Variants in PDE4B observed in about 807,000 individuals in gnomAD.
PDE4B encodes the protein phosphodiesterase 4B, also known as 3',5'-cyclic-AMP phosphodiesterase 4B.
Under a neutral mutation model 82.2 loss-of-function variants are expected in PDE4B, and 20 were observed. That is an observed-to-expected ratio of 0.24 (90% CI 0.17 to 0.35). PDE4B has a LOEUF of 0.35. Ranked by LOEUF, PDE4B falls within the 10% of genes least tolerant of loss-of-function variation. The pLI is 1.00. For missense variants in PDE4B, 655 were observed against 907.2 expected, an observed-to-expected ratio of 0.72 and a Z score of 3.57; for synonymous variants, 320 against 318.9, an observed-to-expected ratio of 1.00 and a Z score of -0.04.
At chr1:66,143,790 C>A (rs1455185481) in intron 3 of PDE4B, among the ~76,000 whole-genome samples, 3 of 152,174 alleles carry the variant, frequency 2.0e-5, no homozygotes, top group African/African-American at 7.2e-5. Context: ...CTGACATCTG[C>A]CTTTTTCATG....
rs942164047 is a variant in PDE4B, at chr1:66,265,900, T to G, written c.585-138T>G. Reference sequence around the variant, plus strand: ...TCTACCCGGGTTACAGGAGCTTGCCTTCCGGAGATGGCATTATGTCACTAC... The same window carrying G: ...TCTACCCGGGTTACAGGAGCTTGCCGTCCGGAGATGGCATTATGTCACTAC... On this transcript the variant is annotated intron_variant, in intron 6 of 16. Coordinates refer to ENST00000341517, the MANE Select transcript of PDE4B (RefSeq NM_002600.4). The G allele has an allele frequency of 1.6e-4, 108 of 675,016 alleles. 2 individuals are homozygous for G. The East Asian group carries it at 2.9e-3, about 18-fold the overall frequency. 41.8% of individuals were successfully genotyped at this position (675,016 alleles called of 1,614,324 possible).
chr1:66,066,693 G>A (rs1019911099), intron 3 of PDE4B, among the ~76,000 whole-genome samples: 5 of 151,858 alleles, frequency 3.3e-5, no homozygotes, highest in South Asian at 2.1e-4. Flanking sequence ...GCTTTTCAAC[G>A]CCTTGTATCT....
chr1:66,023,132 C>G (rs1458823844), intron 3 of PDE4B, among the ~76,000 whole-genome samples: 1 of 152,078 alleles, frequency 6.6e-6, no homozygotes, highest in Non-Finnish European at 1.5e-5. Context: ...TGTTAAGGTG[C>G]TACTGAGGCT....
intron 1 of PDE4B, among the ~76,000 whole-genome samples, chr1:65,836,668 T>C (rs1646143698): frequency 6.6e-6 from 1 of 152,202 alleles, no homozygotes; most frequent in South Asian, 2.1e-4. Context: ...TACTTTTTTG[T>C]TTCAACTCCT....
At chr1:66,008,422 G>T (rs904984572) in intron 3 of PDE4B, among the ~76,000 whole-genome samples, 7 of 151,862 alleles carry the variant, frequency 4.6e-5, no homozygotes, top group African/African-American at 1.5e-4. Flanking sequence ...CCTGGTTAAG[G>T]CCACCCCTTA....
At chr1:66,077,514 A>G (rs1252498055) in intron 3 of PDE4B, among the ~76,000 whole-genome samples, 1 of 152,112 alleles carries the variant, frequency 6.6e-6, no homozygotes, top group Admixed American at 6.6e-5. Flanking sequence ...TTTTACTTAC[A>G]TTTATGACCT....
chr1:65,804,515 G>GT (rs1645731628), intron 1 of PDE4B, among the ~76,000 whole-genome samples: 1 of 152,192 alleles, frequency 6.6e-6, no homozygotes, highest in Admixed American at 6.5e-5. Flanking sequence ...ATTCAGGCAA[G>GT]TGTTTTGGAC....
chr1:66,060,010 T>C (rs1557531949), intron 3 of PDE4B, among the ~76,000 whole-genome samples: 1 of 152,174 alleles, frequency 6.6e-6, no homozygotes, highest in Non-Finnish European at 1.5e-5. Context: ...AAAAACAGTT[T>C]TTAAGTAAGT....
intron 1 of PDE4B, among the ~76,000 whole-genome samples, chr1:65,826,385 C>T (rs567885482): frequency 5.9e-5 from 9 of 152,118 alleles, no homozygotes; most frequent in African/African-American, 2.2e-4. Flanking sequence ...CTGAGTGTGG[C>T]CTAGCATGGT....
intron 3 of PDE4B, among the ~76,000 whole-genome samples, chr1:66,158,706 G>A (rs535258634): frequency 6.6e-6 from 1 of 152,242 alleles, no homozygotes; most frequent in South Asian, 2.1e-4. Flanking sequence ...CTATCAGTGG[G>A]TAAATGAATA....
intron 7 of PDE4B, among the ~76,000 whole-genome samples, chr1:66,298,056 T>A (rs1657633983): frequency 6.6e-6 from 1 of 152,120 alleles, no homozygotes; most frequent in Non-Finnish European, 1.5e-5. Flanking sequence ...CATAAACTCT[T>A]GAGATACATA....
chr1:66,090,609 TGTATATA>T (rs375921706), intron 3 of PDE4B, among the ~76,000 whole-genome samples: 4 of 3,848 alleles, frequency 1.0e-3, no homozygotes, highest in South Asian at 2.4e-3. Context: ...TATATATATA[TGTATATA>T]ATATATGTGT....
intron 3 of PDE4B, among the ~76,000 whole-genome samples, chr1:66,158,612 T>A (rs12068926): frequency 0.017 from 2,522 of 152,162 alleles, 63 homozygotes; most frequent in African/African-American, 0.058. Context: ...TCAAAGAAAA[T>A]CAGTATGTCA....
intron 7 of PDE4B, among the ~76,000 whole-genome samples, chr1:66,312,539 A>G (rs1215252954): frequency 6.6e-6 from 1 of 152,184 alleles, no homozygotes; most frequent in Non-Finnish European, 1.5e-5. Flanking sequence ...TTTCAATTAC[A>G]TTGGGCCCCA....
intron 3 of PDE4B, among the ~76,000 whole-genome samples, chr1:66,131,525 A>G (rs1645942749): frequency 6.9e-6 from 1 of 144,136 alleles, no homozygotes; most frequent in African/African-American, 2.5e-5. Context: ...TATGTTGGCT[A>G]TGAAAATGGC....
intron 3 of PDE4B, among the ~76,000 whole-genome samples, chr1:66,037,643 CG>C (rs1654140044): frequency 6.6e-6 from 1 of 151,912 alleles, no homozygotes; most frequent in African/African-American, 2.4e-5. Flanking sequence ...GCTAGTACTT[CG>C]AGTGCTATGT....
At chr1:66,062,631 G>A (rs1655635826) in intron 3 of PDE4B, among the ~76,000 whole-genome samples, 1 of 152,046 alleles carries the variant, frequency 6.6e-6, no homozygotes, top group Non-Finnish European at 1.5e-5. Context: ...GCAGAGGATT[G>A]AAAATTGTTG....
intron 3 of PDE4B, among the ~76,000 whole-genome samples, chr1:65,973,681 C>CT (rs1013447015): frequency 2.0e-5 from 3 of 152,198 alleles, no homozygotes; most frequent in Non-Finnish European, 4.4e-5. Context: ...AGATCTCTCT[C>CT]TTTAAAGGAC....
At chr1:66,084,103 A>T (rs1656881376) in intron 3 of PDE4B, among the ~76,000 whole-genome samples, 1 of 152,172 alleles carries the variant, frequency 6.6e-6, no homozygotes, top group Non-Finnish European at 1.5e-5. Context: ...AATTCAATTT[A>T]AAAAATTATA....
Sources: allele counts gnomAD v4.1 joint callset (sites outside exome capture counted in the v4.1 genomes callset), GRCh38; gene constraint gnomAD v4.1.1; transcripts MANE v1.5; gene names NCBI Gene and HGNC (gene_info 2026-07-23, HGNC 2026-07-21).